VPS36: variants seen among roughly 807,000 people sequenced by gnomAD.
VPS36 encodes the protein vacuolar protein-sorting-associated protein 36.
VPS36 carries 31 observed loss-of-function variants against 63.5 expected under a neutral mutation model. The ratio of observed to expected loss-of-function variants is 0.49; its 90% CI spans 0.37 to 0.66. The LOEUF (loss-of-function observed/expected upper bound fraction) is 0.66. Among genes scored for constraint, VPS36 ranks in the 30% least tolerant of loss-of-function variants. The pLI is 0.00. For missense variants in VPS36, 338 were observed against 463.7 expected (o/e 0.73, Z 2.49); for synonymous variants, 138 against 157.2 (o/e 0.88, Z 0.91).
At chr13:52,442,244 G>C (rs776125788) in intron 2 of VPS36, 133 bp downstream of exon 2, 15 of 627,192 alleles carry the variant, frequency 2.4e-5, no homozygotes, top group Admixed American at 4.2e-5. Context: ...CCGGCTACTC[G>C]GGAGGTTGAG....
rs1958386938 is a variant in VPS36 at position 52,450,178 on chromosome 13, C to T, written c.96+321G>A. ...CCGCCCGGCGCCCGCAGACGGCGAGCGCTCCTTCTCCCGGGCACTGCAGCT... is the reference window on the plus strand; with the variant it reads ...CCGCCCGGCGCCCGCAGACGGCGAGTGCTCCTTCTCCCGGGCACTGCAGCT... On this transcript the variant is annotated intron_variant, in intron 1 of 13. Coordinates refer to ENST00000378060, the MANE Select transcript of VPS36 (RefSeq NM_016075.4). 13 of 1,018,848 alleles carry T rather than the reference C, an allele frequency of 1.3e-5. No homozygotes were observed. The South Asian group carries it at 5.5e-4, about 43-fold the overall frequency. 63.1% of individuals were successfully genotyped at this position (1,018,848 alleles called of 1,614,324 possible). A position where few individuals can be genotyped will look rare whatever the true frequency, so the allele number is the denominator to read the frequency against.
At chr13:52,416,277 CA>C (rs1957991605) in intron 12 of VPS36, 184 bp from the exon 13 acceptor site, 1 of 620,746 alleles carries the variant, frequency 1.6e-6, no homozygotes, top group Non-Finnish European at 2.7e-6. Context: ...CTTAATCCTA[CA>C]AAAGTTGAAG....
Position 52,427,313 on chromosome 13 carries a change from T to C in VPS36, c.529-94A>G, listed in dbSNP as rs1168075796. Reference sequence around the variant, plus strand: ...CCCTCTATTTTTTCCCCATAAAAATTTGAAATTTTCAGCCGGGCGCAGTGG... The same window carrying C: ...CCCTCTATTTTTTCCCCATAAAAATCTGAAATTTTCAGCCGGGCGCAGTGG... On this transcript the variant is annotated intron_variant, in intron 6 of 13. Coordinates refer to ENST00000378060, the MANE Select transcript of VPS36 (RefSeq NM_016075.4). 15 of 1,469,240 alleles carry C rather than the reference T, an allele frequency of 1.0e-5. No homozygotes were observed. The South Asian group carries it at 1.2e-4, about 12-fold the overall frequency. The allele number at this position is 1,469,240 out of a possible 1,614,324, so 91.0% of individuals were successfully genotyped here.
intron 1 of VPS36, among the ~76,000 whole-genome samples, chr13:52,444,414 C>T (rs1380825347): frequency 4.0e-5 from 6 of 151,208 alleles, no homozygotes; most frequent in East Asian, 1.9e-4. Flanking sequence ...GAGCCGAGAT[C>T]GCGCCACTGC....
chr13:52,417,723 G>C (rs938199673), intron 11 of VPS36, among the ~76,000 whole-genome samples: 9 of 152,168 alleles, frequency 5.9e-5, no homozygotes, highest in African/African-American at 2.2e-4. Context: ...CATCTCCAGA[G>C]ACTAACACAA....
intron 5 of VPS36, among the ~76,000 whole-genome samples, chr13:52,433,973 C>G (rs939034457): frequency 2.6e-5 from 4 of 152,100 alleles, no homozygotes; most frequent in Non-Finnish European, 4.4e-5. Context: ...CAATAAATGG[C>G]ATATTTTACT....
chr13:52,416,958 G>A, intron 12 of VPS36, 99 bp downstream of exon 12: 1 of 995,324 alleles, frequency 1.0e-6, no homozygotes, highest in Non-Finnish European at 1.5e-6. Context: ...TACTTTTTCA[G>A]TAAAGTTAAA....
At chr13:52,429,209 T>C (rs1958132411) in intron 6 of VPS36, 14 of 975,942 alleles carry the variant, frequency 1.4e-5, no homozygotes, top group Non-Finnish European at 1.7e-5. Context: ...CCCCTTAAGC[T>C]GACTTACAGC....
intron 1 of VPS36, among the ~76,000 whole-genome samples, chr13:52,445,638 CAA>C (rs1260034533): frequency 8.2e-5 from 3 of 36,762 alleles, no homozygotes; most frequent in Non-Finnish European, 1.0e-4. Flanking sequence ...GACTCCGTCT[CAA>C]AAAAAAAAAA....
chr13:52,442,371 T>A lies in VPS36; in HGVS notation c.165+6A>T. On this transcript the variant is annotated splice_donor_region_variant and intron_variant, in intron 2 of 13. Coordinates refer to ENST00000378060, the MANE Select transcript of VPS36 (RefSeq NM_016075.4). ...CCTACAACAGATGCAAAAAACTGTA[T>A]CTTACATGATTTTTCTGATCTCTCC... 6.2e-7 allele frequency: 1 copy of A among 1,601,746 alleles called. No individual in the cohort carries two copies. The highest frequency in any genetic ancestry group is 8.5e-7 in the Non-Finnish European group (1 of 1,176,644).
At chr13:52,442,308 G>A (rs1218625293) in intron 2 of VPS36, 69 bp downstream of exon 2, 25 of 1,428,932 alleles carry the variant, frequency 1.7e-5, no homozygotes, top group South Asian at 6.8e-5. Context: ...GCAATACAGC[G>A]AGACCCTGTC....
intron 1 of VPS36, 33 bp downstream of exon 1, chr13:52,450,466 C>T (rs1468179791): frequency 6.4e-7 from 1 of 1,574,622 alleles, no homozygotes; most frequent in South Asian, 1.1e-5. Context: ...GTCCCTTCCG[C>T]CAGCCCGTTG....
chr13:52,422,189 T>C (rs887253712), intron 10 of VPS36, among the ~76,000 whole-genome samples: 1 of 152,138 alleles, frequency 6.6e-6, no homozygotes, highest in African/African-American at 2.4e-5. Flanking sequence ...CTTTTTTAGC[T>C]CGCACATGAG....
rs774308143 is a variant in VPS36 at position 52,415,851 on chromosome 13, A to G, written c.1140T>C (p.Asn380=). 4.3e-6 allele frequency: 7 copies of G among 1,614,102 alleles called. No homozygotes were observed. The highest frequency in any genetic ancestry group is 5.9e-6 in the Non-Finnish European group (7 of 1,179,992). Residue 380 remains asparagine, a synonymous_variant, in exon 14 of 14, where the codon AAT becomes AAC. Transcript: ENST00000378060. ...ACCCTTAGCTCTGTGTCATAAATAA[A>G]TTTGGGTAAAAACGCAGGCCTTCCA... ...DSVEGLRFYP[N]LFMTQS
Position 52,415,653 on chromosome 13 carries a change from T to C in VPS36, c.*177A>G. On this transcript the variant is annotated 3_prime_UTR_variant, in exon 14 of 14. Coordinates refer to ENST00000378060, the MANE Select transcript of VPS36 (RefSeq NM_016075.4). ...GCATTCACTTTTCTGAATTTTCCTA[T>C]GCGTATACTAAATAAATTTCCTGGA... is the stretch of plus-strand genomic sequence containing the variant. 1 of 650,226 alleles carries C rather than the reference T, an allele frequency of 1.5e-6. No homozygotes were observed. The highest frequency in any genetic ancestry group is 2.7e-6 in the Non-Finnish European group (1 of 373,516). 40.3% of individuals were successfully genotyped at this position (650,226 alleles called of 1,614,324 possible). A position where few individuals can be genotyped will look rare whatever the true frequency, so the allele number is the denominator to read the frequency against.
At chr13:52,419,286 G>A (rs1217330666) in intron 10 of VPS36, among the ~76,000 whole-genome samples, 1 of 152,222 alleles carries the variant, frequency 6.6e-6, no homozygotes, top group Non-Finnish European at 1.5e-5. Context: ...AGCCACTGCT[G>A]ATACCCAGCC....
intron 6 of VPS36, among the ~76,000 whole-genome samples, chr13:52,430,668 T>G (rs1958145869): frequency 6.6e-6 from 1 of 151,718 alleles, no homozygotes; most frequent in Admixed American, 6.6e-5. Context: ...CAGAAAAATT[T>G]CCCTGAAATT....
In VPS36 at chr13:52,439,173, G is replaced by T. The variant is rs764635036; in HGVS notation, c.166-5C>A. 1 of 1,612,726 alleles carries T rather than the reference G, an allele frequency of 6.2e-7. No homozygotes were observed. Among genetic ancestry groups the T allele is most frequent in the African/African-American group, 1.3e-5 (1 of 74,914 alleles). On this transcript the variant is annotated splice_region_variant and splice_polypyrimidine_tract_variant and intron_variant, in intron 2 of 13. Coordinates refer to ENST00000378060, the MANE Select transcript of VPS36 (RefSeq NM_016075.4). ...GAGAATGGCCATGCAACACTCCTAG[G>T]AGGAAATCAATAGCTTAAATGAAAG...
chr13:52,419,894 T>C (rs923473041), intron 10 of VPS36, among the ~76,000 whole-genome samples: 1 of 151,616 alleles, frequency 6.6e-6, no homozygotes, highest in African/African-American at 2.4e-5. Context: ...GGAAGAGTAG[T>C]GGGGAAGGAG....
Sources: gnomAD v4.1 joint callset for allele counts (sites outside exome capture counted in the v4.1 genomes callset) on GRCh38, gnomAD v4.1.1 for gene constraint, MANE v1.5 for transcripts, NCBI Gene and HGNC (gene_info 2026-07-23, HGNC 2026-07-21) for gene names.